The following HPS4 variants were observed in gnomAD, a reference collection of about 807,000 sequenced individuals.
HPS4 encodes BLOC-3 complex member HPS4.
A neutral mutation model predicts 70.3 loss-of-function variants in HPS4; 44 were observed. That is an observed-to-expected ratio of 0.63 (90% CI 0.49 to 0.80). The LOEUF (loss-of-function observed/expected upper bound fraction) is 0.80, where lower values mean the gene tolerates loss of function less well. Among genes scored for constraint, HPS4 ranks in the 30% least tolerant of loss-of-function variants. The pLI, the probability that HPS4 is intolerant of heterozygous loss-of-function variation, is 0.00. For synonymous variants in HPS4, 377 were observed against 355.9 expected (o/e 1.06, Z -0.67); for missense variants, 873 against 884.4 (o/e 0.99, Z 0.16).
intron 3 of HPS4, among the ~76,000 whole-genome samples, chr22:26,445,677 C>A (rs16982107): frequency 6.6e-6 from 1 of 152,156 alleles, no homozygotes; most frequent in Admixed American, 6.5e-5. Context: ...GTATCTGGCA[C>A]ATGAAGGGCA....
rs1311267516 is a variant in HPS4 at position 26,452,000 on chromosome 22, G to GCA, written c.*1232_*1233insTG. On this transcript the variant is annotated 3_prime_UTR_variant, in exon 14 of 14. Transcript: ENST00000398145. Reference sequence around the variant, plus strand: ...GCGCCCACGTTACGCGCGCGCGCGCGCGCGCACACACACACACACACACAC... The same window carrying GCA: ...GCGCCCACGTTACGCGCGCGCGCGCGCACGCGCACACACACACACACACACAC... 2 of 72,452 alleles carry GCA rather than the reference G, an allele frequency of 2.8e-5. No homozygotes were observed. Among genetic ancestry groups the GCA allele is most frequent in the East Asian group, 2.4e-4 (1 of 4,234 alleles). 4.5% of individuals were successfully genotyped at this position (72,452 alleles called of 1,614,324 possible).
In HPS4 at chr22:26,481,720, A is replaced by G; in HGVS notation, c.41+2T>C. On this transcript the variant is annotated splice_donor_variant, in intron 2 of 13. Coordinates refer to ENST00000398145, the MANE Select transcript of HPS4 (RefSeq NM_022081.6). LOFTEE classifies it high-confidence loss of function. The stretch of plus-strand genomic sequence containing the variant: ...TATGCCATGGCAGGCCTTGTTACTC[A>G]CCACGAGGCTGACTTTGCCTCTGTG... 6.2e-7 allele frequency: 1 copy of G among 1,613,960 alleles called. No homozygotes were observed. Among genetic ancestry groups the G allele is most frequent in the Non-Finnish European group, 8.5e-7 (1 of 1,179,802 alleles).
Position 26,465,434 on chromosome 22 carries a change from ACT to A in HPS4, c.803+19_803+20del, listed in dbSNP as rs754252127. On this transcript the variant is annotated intron_variant, in intron 10 of 13. Transcript: ENST00000398145. ...GTCCCTCAGGTGTGGTGCAAGGTTAACTCTCTGTGCACTCCATTACCTTGTCA... is the reference window on the plus strand; with the variant it reads ...GTCCCTCAGGTGTGGTGCAAGGTTAACTCTGTGCACTCCATTACCTTGTCA... 3.2e-6 allele frequency: 5 copies of A among 1,555,942 alleles called. No individual in the cohort carries two copies. The Admixed American group carries it at 8.4e-5, about 26-fold the overall frequency.
Position 26,464,957 on chromosome 22 carries a change from A to G in HPS4, c.804-131T>C, listed in dbSNP as rs887971952. 6 of 769,556 alleles carry G rather than the reference A, an allele frequency of 7.8e-6. No individual in the cohort carries two copies. The Admixed American group carries it at 1.5e-4, about 19-fold the overall frequency. The allele number at this position is 769,556 out of a possible 1,614,324, so 47.7% of individuals were successfully genotyped here. A position where few individuals can be genotyped will look rare whatever the true frequency, so the allele number is the denominator to read the frequency against. ...CTGAGGCCACAGAGCCTAAGAGGCC[A>G]CCAGAGTTAAATCACAAGAGTAAAA... On this transcript the variant is annotated intron_variant, in intron 10 of 13. Transcript: ENST00000398145.
intron 11 of HPS4, among the ~76,000 whole-genome samples, chr22:26,458,806 G>C (rs1342941273): frequency 6.7e-6 from 1 of 149,908 alleles, no homozygotes; most frequent in Non-Finnish European, 1.5e-5. Flanking sequence ...GGGTGATAGA[G>C]TGAGACTCTG....
intron 13 of HPS4, among the ~76,000 whole-genome samples, chr22:26,454,869 TCAAA>T (rs1236637077): frequency 1.3e-5 from 2 of 151,656 alleles, no homozygotes; most frequent in African/African-American, 4.8e-5. Flanking sequence ...TACAATGAAC[TCAAA>T]CAAATTTACA....
chr22:26,472,154 C>T lies in HPS4; in HGVS notation c.501+148G>A, dbSNP rs372526442. The T allele has an allele frequency of 9.9e-6, 7 of 708,796 alleles. No homozygotes were observed. In the South Asian group the frequency reaches 1.1e-4, roughly 11 times the overall value. The allele number at this position is 708,796 out of a possible 1,614,324, so 43.9% of individuals were successfully genotyped here. A position where few individuals can be genotyped will look rare whatever the true frequency, so the allele number is the denominator to read the frequency against. On this transcript the variant is annotated intron_variant, in intron 6 of 13. Coordinates refer to ENST00000398145, the MANE Select transcript of HPS4 (RefSeq NM_022081.6). ...CATTCTTTGGATAAGGGAAATGAGG[C>T]TGAGAGGTGACCTGCCGTGTCATGG... is the stretch of plus-strand genomic sequence containing the variant.
chr22:26,474,887 C>A (rs575540894), intron 4 of HPS4, among the ~76,000 whole-genome samples: 1 of 152,316 alleles, frequency 6.6e-6, no homozygotes, highest in East Asian at 1.9e-4. Context: ...CACACCACTG[C>A]ACATCCAGCA....
chr22:26,479,623 G>A (rs1602114798), intron 2 of HPS4: 13 of 1,323,214 alleles, frequency 9.8e-6, no homozygotes, highest in Middle Eastern at 2.9e-4. Context: ...AAAACGAGGC[G>A]CCCACAATGA....
In HPS4 at chr22:26,452,658, A is replaced by C; in HGVS notation, c.*575T>G. 4.0e-6 allele frequency: 1 copy of C among 252,754 alleles called. No homozygotes were observed. Among genetic ancestry groups the C allele is most frequent in the South Asian group, 4.4e-5 (1 of 22,812 alleles). The allele number at this position is 252,754 out of a possible 1,614,324, so 15.7% of individuals were successfully genotyped here. On this transcript the variant is annotated 3_prime_UTR_variant, in exon 14 of 14. Transcript: ENST00000398145. ...CGCCCCTAGATTTGAGTAGAGTTCC[A>C]ACAGAATTCAACCAAGTGGTCTCCG...
At chr22:26,468,472 C>T in intron 8 of HPS4, 79 bp downstream of exon 8, 1 of 1,279,914 alleles carries the variant, frequency 7.8e-7, no homozygotes, top group Non-Finnish European at 1.1e-6. Flanking sequence ...GGCCTCTGCT[C>T]CTGATCCCTC....
intron 5 of HPS4, 26 bp from the exon 6 acceptor site, chr22:26,472,444 A>G (rs1322121961): frequency 5.1e-6 from 7 of 1,381,422 alleles, no homozygotes; most frequent in South Asian, 1.2e-5. Flanking sequence ...CCTCAGGTCA[A>G]TATCTGAGAT....
intron 8 of HPS4, chr22:26,466,626 G>C (rs2088670512): frequency 5.3e-6 from 2 of 376,886 alleles, no homozygotes; most frequent in Non-Finnish European, 1.0e-5. Flanking sequence ...AGTCACATCT[G>C]CCACAGCCCT....
intron 7 of HPS4, 102 bp from the exon 8 acceptor site, chr22:26,468,725 G>A: frequency 2.8e-6 from 3 of 1,076,630 alleles, no homozygotes; most frequent in Non-Finnish European, 4.2e-6. Context: ...AGGATCTTGG[G>A]GACTTGGCTG....
rs1193081882 is a variant in HPS4 at position 26,451,139 on chromosome 22, CT to C, written c.*2093del. 2.6e-5 allele frequency among the ~76,000 whole-genome samples: 4 copies of C among 152,304 alleles called. No homozygotes were observed. The highest frequency in any genetic ancestry group is 5.9e-5 in the Non-Finnish European group (4 of 68,026). On this transcript the variant is annotated 3_prime_UTR_variant, in exon 14 of 14. Coordinates refer to ENST00000398145, the MANE Select transcript of HPS4 (RefSeq NM_022081.6). ...CAGGCTGTCCTGCACACTGCCTTCC[CT>C]TGGGAAACATGGCCATAAGAGGTTG...
rs2087894761 is a variant in HPS4 at position 26,463,998 on chromosome 22, G to A, written c.1632C>T (p.Tyr544=). 2.5e-6 allele frequency: 4 copies of A among 1,614,274 alleles called. No individual in the cohort carries two copies. Among genetic ancestry groups the A allele is most frequent in the South Asian group, 1.1e-5 (1 of 91,088 alleles). The change falls in exon 11 of 14, where the codon TAC becomes TAT. Residue 544 remains tyrosine, a synonymous_variant. Transcript: ENST00000398145. ...SCMGLVRMNL[Y]THCVKGLVLS... Reference sequence around the variant, plus strand: ...GCACCAGCCCTTTGACGCAGTGAGTGTAGAGATTCATCCTCACGAGCCCCA... The same window carrying A: ...GCACCAGCCCTTTGACGCAGTGAGTATAGAGATTCATCCTCACGAGCCCCA...
Position 26,481,995 on chromosome 22 carries a change from C to G in HPS4, c.-233G>C. 1 of 551,894 alleles carries G rather than the reference C, an allele frequency of 1.8e-6. No homozygotes were observed. 34.2% of individuals were successfully genotyped at this position (551,894 alleles called of 1,614,324 possible). On this transcript the variant is annotated 5_prime_UTR_variant, in exon 2 of 14. Transcript: ENST00000398145. ...ATGTATATTTCCATGCCTCTTACAA[C>G]TCAGGGAGAAACTATAACAGAGAAT...
rs780026508 is a variant in HPS4, at chr22:26,470,708, G to A, written c.596+11C>T. 3.1e-6 allele frequency: 5 copies of A among 1,612,522 alleles called. No individual in the cohort carries two copies. Among genetic ancestry groups the A allele is most frequent in the South Asian group, 1.1e-5 (1 of 91,014 alleles). The stretch of plus-strand genomic sequence containing the variant: ...AATGGGGCTGGAAGAAAGGGGTCTG[G>A]AGTTACTCACAGTCCTTTATAGAGG... On this transcript the variant is annotated intron_variant, in intron 7 of 13. Transcript: ENST00000398145.
chr22:26,465,517 A>G lies in HPS4; in HGVS notation c.741T>C (p.Pro247=), dbSNP rs35126034. The G allele has an allele frequency of 4.7e-4, 764 of 1,614,142 alleles. 5 individuals carry two copies. In the African/African-American group the frequency reaches 9.1e-3, roughly 19 times the overall value. ...TGGCTTCCTCTTTGGTCACAAAAAC[A>G]GGGATAATCTGGACATTCGGGGGCA... ...AALPPNVQII[P]VFVTKEEAIS... Residue 247 remains proline, a synonymous_variant, in exon 10 of 14, where the codon CCT becomes CCC. Coordinates refer to ENST00000398145, the MANE Select transcript of HPS4 (RefSeq NM_022081.6).
Sources: gnomAD v4.1 joint callset for allele counts (sites outside exome capture counted in the v4.1 genomes callset) on GRCh38, gnomAD v4.1.1 for gene constraint, MANE v1.5 for transcripts, NCBI Gene and HGNC (gene_info 2026-07-23, HGNC 2026-07-21) for gene names.